RGS9: variants seen among roughly 807,000 people sequenced by gnomAD.
The protein encoded by RGS9 is regulator of G-protein signalling 9.
Under a neutral mutation model 102.0 loss-of-function variants are expected in RGS9, and 78 were observed. The ratio of observed to expected loss-of-function variants is 0.76; its 90% confidence interval spans 0.64 to 0.92. The LOEUF is 0.92. RGS9 is among the 40% of genes least tolerant of loss of function. The pLI, the probability that RGS9 is intolerant of heterozygous loss-of-function variation, is 0.00. For synonymous variants in RGS9, 353 were observed against 318.6 expected, an observed-to-expected ratio of 1.11 and a Z score of -1.15; for missense variants, 833 against 866.1, an observed-to-expected ratio of 0.96 and a Z score of 0.48.
At chr17:65,227,242 C>G (rs745337742) in intron 18 of RGS9, 33 bp from the exon 19 acceptor site, 1 of 1,614,056 alleles carries the variant, frequency 6.2e-7, no homozygotes, top group South Asian at 1.1e-5. Flanking sequence ...TGCCCCTGCC[C>G]CTACATTACT....
intron 9 of RGS9, among the ~76,000 whole-genome samples, chr17:65,186,788 C>T (rs1030563940): frequency 1.3e-5 from 2 of 152,180 alleles, no homozygotes; most frequent in East Asian, 3.8e-4. Flanking sequence ...AATCTCCTTA[C>T]CTTAAGCTTT....
chr17:65,177,080 TCCA>T (rs1377868651), intron 8 of RGS9, among the ~76,000 whole-genome samples: 3,594 of 145,240 alleles, frequency 0.025, 150 homozygotes, highest in African/African-American at 0.087. Context: ...CATCCATCCA[TCCA>T]TCCATCCATC....
At chr17:65,157,064 A>T (rs559529460) in intron 2 of RGS9, among the ~76,000 whole-genome samples, 1 of 152,208 alleles carries the variant, frequency 6.6e-6, no homozygotes, top group East Asian at 1.9e-4. Flanking sequence ...TATGGGTCAT[A>T]AGAAGAAATG....
intron 12 of RGS9, among the ~76,000 whole-genome samples, chr17:65,195,177 G>T (rs1389290042): frequency 1.3e-5 from 2 of 152,230 alleles, no homozygotes; most frequent in African/African-American, 4.8e-5. Flanking sequence ...ATGTGCGGAC[G>T]CTGGCTCTCC....
intron 17 of RGS9, among the ~76,000 whole-genome samples, chr17:65,215,473 TCTCTATCTTTCTTTCGTTCTTTCG>T (rs1567893099): frequency 1.7e-4 from 24 of 139,830 alleles, no homozygotes; most frequent in African/African-American, 6.5e-4. Flanking sequence ...TTTCTTTCTT[TCTCTATCTTTCTTTCGTTCTTTCG>T]TTCTTTCTTT....
At chr17:65,162,816 G>T (rs1173010721) in intron 6 of RGS9, among the ~76,000 whole-genome samples, 197 bp from the exon 7 acceptor site, 5 of 152,126 alleles carry the variant, frequency 3.3e-5, no homozygotes, top group African/African-American at 4.8e-5. Context: ...TAAAAGTGAG[G>T]CTTCTTGTGA....
chr17:65,221,307 A>G (rs962390259), intron 17 of RGS9, among the ~76,000 whole-genome samples: 1 of 152,152 alleles, frequency 6.6e-6, no homozygotes, highest in African/African-American at 2.4e-5. Flanking sequence ...TCTGGTCACA[A>G]ACTTTGAGTT....
intron 7 of RGS9, among the ~76,000 whole-genome samples, chr17:65,165,443 A>G (rs1283416246): frequency 6.6e-6 from 1 of 152,014 alleles, no homozygotes; most frequent in African/African-American, 2.4e-5. Context: ...TCAGCACAAA[A>G]CGTGGTTGAC....
intron 13 of RGS9, among the ~76,000 whole-genome samples, chr17:65,201,366 A>C (rs1912835872): frequency 6.6e-6 from 1 of 152,176 alleles, no homozygotes; most frequent in Non-Finnish European, 1.5e-5. Flanking sequence ...TCAGTCCATC[A>C]GCACTGCTTC....
chr17:65,213,301 T>C (rs1913371044), intron 17 of RGS9, among the ~76,000 whole-genome samples: 1 of 152,228 alleles, frequency 6.6e-6, no homozygotes, highest in African/African-American at 2.4e-5. Flanking sequence ...AAGATACAAT[T>C]TGAGACATCA....
At chr17:65,172,894 C>T (rs969060882) in intron 8 of RGS9, among the ~76,000 whole-genome samples, 1 of 152,036 alleles carries the variant, frequency 6.6e-6, no homozygotes, top group African/African-American at 2.4e-5. Flanking sequence ...CCTGTTTCAC[C>T]TCATCTCTAT....
At chr17:65,187,988 T>C (rs925652896) in intron 9 of RGS9, among the ~76,000 whole-genome samples, 5 of 152,096 alleles carry the variant, frequency 3.3e-5, no homozygotes, top group South Asian at 2.1e-4. Context: ...AGAGAGACTC[T>C]GTCTCAACAA....
intron 2 of RGS9, among the ~76,000 whole-genome samples, chr17:65,155,755 A>G (rs930221526): frequency 3.9e-5 from 6 of 152,132 alleles, no homozygotes. Context: ...TAAGGGAACG[A>G]GTGCAGGAAG....
rs758153967 is a variant in RGS9, at chr17:65,225,012, A to T, written c.1418A>T (p.His473Leu). ...NTVDITQPGQHMAPSPHLTVY... is the reference protein window; with the variant it reads ...NTVDITQPGQLMAPSPHLTVY... Reference sequence around the variant, plus strand: ...TTTCCTTCTCTACAGCCGGGCCAGCACATGGCTCCCAGCCCCCATCTGACC... The same window carrying T: ...TTTCCTTCTCTACAGCCGGGCCAGCTCATGGCTCCCAGCCCCCATCTGACC... Residue 473 changes from histidine (H) to leucine (L), a missense_variant, in exon 18 of 19, where the codon CAC (histidine) becomes CTC (leucine). Transcript: ENST00000262406. 1.2e-6 allele frequency: 2 copies of T among 1,613,770 alleles called. No homozygotes were observed. Among genetic ancestry groups the T allele is most frequent in the Middle Eastern group, 1.6e-4 (1 of 6,062 alleles).
intron 15 of RGS9, among the ~76,000 whole-genome samples, chr17:65,206,167 T>A (rs1913056967): frequency 6.6e-6 from 1 of 152,210 alleles, no homozygotes; most frequent in South Asian, 2.1e-4. Context: ...TTTTATTGTA[T>A]CATTTAAAAG....
intron 9 of RGS9, among the ~76,000 whole-genome samples, chr17:65,179,141 G>A (rs1911755599): frequency 6.6e-6 from 1 of 152,140 alleles, no homozygotes; most frequent in African/African-American, 2.4e-5. Context: ...AGAGCCTTAA[G>A]GCATGAGTGG....
chr17:65,148,260 G>A (rs966856331), intron 1 of RGS9, among the ~76,000 whole-genome samples: 9 of 152,090 alleles, frequency 5.9e-5, no homozygotes, highest in Admixed American at 6.5e-5. Flanking sequence ...CCTTCTTTTC[G>A]AAAGCCAAAC....
chr17:65,153,256 C>T (rs866426328), intron 1 of RGS9, among the ~76,000 whole-genome samples, 166 bp from the exon 2 acceptor site: 1 of 152,212 alleles, frequency 6.6e-6, no homozygotes, highest in Non-Finnish European at 1.5e-5. Context: ...ACACCTTAGT[C>T]CTGGTTGCAT....
intron 8 of RGS9, among the ~76,000 whole-genome samples, chr17:65,169,388 GC>G (rs1911320266): frequency 6.6e-6 from 1 of 152,140 alleles, no homozygotes; most frequent in Admixed American, 6.5e-5. Flanking sequence ...GTATCTGGGG[GC>G]CGGGTGACAG....
Sources: allele counts gnomAD v4.1 joint callset (sites outside exome capture counted in the v4.1 genomes callset), GRCh38; gene constraint gnomAD v4.1.1; transcripts MANE v1.5; gene names NCBI Gene and HGNC (gene_info 2026-07-23, HGNC 2026-07-21).